Variants in EHF observed in about 807,000 individuals in gnomAD.
EHF encodes the protein ETS homologous factor, also known as ESE3 transcription factor.
Under a neutral mutation model 45.1 loss-of-function variants are expected in EHF, and 14 were observed. The observed-to-expected ratio is 0.31, with a 90% CI of 0.21 to 0.49. EHF has a LOEUF of 0.49. Ranked by LOEUF, EHF falls within the 20% of genes least tolerant of loss-of-function variation. The pLI, the probability that EHF is intolerant of heterozygous loss-of-function variation, is 0.99. For synonymous variants in EHF, 136 were observed against 131.8 expected, an observed-to-expected ratio of 1.03 and a Z score of -0.22; for missense variants, 282 against 371.4, an observed-to-expected ratio of 0.76 and a Z score of 1.98.
chr11:34,626,005 T>G (rs901554537), intron 1 of EHF, among the ~76,000 whole-genome samples: 8 of 152,218 alleles, frequency 5.3e-5, no homozygotes, highest in African/African-American at 1.9e-4. Context: ...GAAACCAAAA[T>G]GCCTATTATA....
intron 1 of EHF, among the ~76,000 whole-genome samples, chr11:34,635,379 C>A (rs1467472831): frequency 6.6e-6 from 1 of 151,666 alleles, no homozygotes; most frequent in African/African-American, 2.4e-5. Flanking sequence ...TTCCAGTTCC[C>A]TGCCAGTGGC....
intron 1 of EHF, among the ~76,000 whole-genome samples, chr11:34,638,027 G>C (rs1007711622): frequency 8.6e-5 from 13 of 151,558 alleles, no homozygotes; most frequent in African/African-American, 3.2e-4. Flanking sequence ...TCAACCTCCC[G>C]AGTAGCTGGG....
chr11:34,631,327 C>A (rs916260806), intron 1 of EHF, among the ~76,000 whole-genome samples: 1 of 152,184 alleles, frequency 6.6e-6, no homozygotes, highest in Non-Finnish European at 1.5e-5. Flanking sequence ...CCACTGCGCC[C>A]GGCCAAAAAG....
chr11:34,642,625 C>CAGATCATG lies in EHF; in HGVS notation c.-3-1_4dup. The CAGATCATG allele has an allele frequency of 1.9e-6, 3 of 1,607,330 alleles. No homozygotes were observed. The East Asian group carries it at 6.7e-5, about 36-fold the overall frequency. On this transcript the variant is annotated splice_polypyrimidine_tract_variant and splice_region_variant and intron_variant, in intron 1 of 8. Transcript: ENST00000257831. ...CTGAACAGGCTGTTTGATCCCCTAA[C>CAGATCATG]AGATCATGATTCTGGAAGGAGGTGG... is the stretch of plus-strand genomic sequence containing the variant.
At chr11:34,646,295 T>A in intron 2 of EHF, 144 bp from the exon 3 acceptor site, 1 of 1,341,176 alleles carries the variant, frequency 7.5e-7, no homozygotes, top group Non-Finnish European at 1.0e-6. Flanking sequence ...GAAAATGCAC[T>A]TCTGCTCCAT....
At chr11:34,639,071 C>G (rs12366193) in intron 1 of EHF, among the ~76,000 whole-genome samples, 1 of 151,926 alleles carries the variant, frequency 6.6e-6, no homozygotes, top group Non-Finnish European at 1.5e-5. Flanking sequence ...AACAAATACT[C>G]CCCCGCAACC....
chr11:34,640,280 GC>G lies in EHF; in HGVS notation c.-3-2347del, dbSNP rs555047361. 7.8e-3 allele frequency among the ~76,000 whole-genome samples: 1,195 copies of G among 152,268 alleles called. 4 individuals carry two copies. Among genetic ancestry groups the G allele is most frequent in the Non-Finnish European group, 0.013 (889 of 68,018 alleles). ...CACCCTGCTTTCTGCTTGTCAGGAA[GC>G]ATAGCTGGCCCAGGCAGGTGCTGCC... is the stretch of plus-strand genomic sequence containing the variant. On this transcript the variant is annotated intron_variant, in intron 1 of 8. Coordinates refer to ENST00000257831, the MANE Select transcript of EHF (RefSeq NM_012153.6).
At chr11:34,640,551 C>T (rs187392809) in intron 1 of EHF, among the ~76,000 whole-genome samples, 2 of 152,338 alleles carry the variant, frequency 1.3e-5, no homozygotes, top group East Asian at 1.9e-4. Flanking sequence ...GGGCCCCCCT[C>T]CTTCCACCAG....
At chr11:34,621,295 T>G (rs1441605043) in intron 1 of EHF, 67 bp downstream of exon 1, 2 of 152,208 alleles carry the variant, frequency 1.3e-5, no homozygotes, top group African/African-American at 4.8e-5. Context: ...AAGAGAAGCC[T>G]GCTTTAAACT....
At chr11:34,643,431 G>A (rs887495764) in intron 2 of EHF, among the ~76,000 whole-genome samples, 1 of 152,172 alleles carries the variant, frequency 6.6e-6, no homozygotes, top group African/African-American at 2.4e-5. Flanking sequence ...GCATCCAACA[G>A]CAGTGAGTTT....
intron 2 of EHF, among the ~76,000 whole-genome samples, chr11:34,645,220 T>A (rs557290273): frequency 6.6e-6 from 1 of 152,218 alleles, no homozygotes; most frequent in African/African-American, 2.4e-5. Flanking sequence ...CTATGGAATG[T>A]TTTTTTAAGT....
intron 6 of EHF, among the ~76,000 whole-genome samples, chr11:34,653,786 G>A (rs1182857601): frequency 6.6e-6 from 1 of 152,176 alleles, no homozygotes; most frequent in Non-Finnish European, 1.5e-5. Flanking sequence ...TATTTTTCGA[G>A]CTCCCATGTA....
intron 1 of EHF, among the ~76,000 whole-genome samples, chr11:34,634,276 G>A (rs915039705): frequency 6.6e-6 from 1 of 152,144 alleles, no homozygotes; most frequent in Non-Finnish European, 1.5e-5. Context: ...AACATCCTTA[G>A]GGCAAATGCT....
chr11:34,636,630 G>A (rs1421542620), intron 1 of EHF, among the ~76,000 whole-genome samples: 2 of 152,204 alleles, frequency 1.3e-5, no homozygotes, highest in Admixed American at 1.3e-4. Context: ...TGGTAGAGAG[G>A]ATAGAAATTC....
intron 1 of EHF, among the ~76,000 whole-genome samples, chr11:34,641,664 G>A (rs2134096851): frequency 6.6e-6 from 1 of 152,300 alleles, no homozygotes; most frequent in African/African-American, 2.4e-5. Context: ...ATAGCGATCT[G>A]GAAACAGGCT....
chr11:34,641,266 G>T (rs1853968882), intron 1 of EHF, among the ~76,000 whole-genome samples: 1 of 152,166 alleles, frequency 6.6e-6, no homozygotes, highest in South Asian at 2.1e-4. Context: ...ATACATGTTT[G>T]TGTGTAGCCT....
intron 1 of EHF, among the ~76,000 whole-genome samples, chr11:34,641,335 T>C (rs1411605138): frequency 1.3e-5 from 2 of 152,220 alleles, no homozygotes; most frequent in Admixed American, 6.5e-5. Context: ...CAGCCCATTA[T>C]TGGGCTGATA....
chr11:34,629,860 T>G (rs201148313), intron 1 of EHF, among the ~76,000 whole-genome samples: 1 of 27,444 alleles, frequency 3.6e-5, no homozygotes, highest in Non-Finnish European at 1.1e-4. Flanking sequence ...TTTCCCAAGG[T>G]TTTTTTTTTC....
chr11:34,657,076 T>G (rs1319806955), intron 7 of EHF, 106 bp downstream of exon 7: 1 of 1,330,768 alleles, frequency 7.5e-7, no homozygotes, highest in African/African-American at 1.5e-5. Flanking sequence ...GCTGCCTTCA[T>G]GTCTTCATCC....
Sources: allele counts gnomAD v4.1 joint callset (sites outside exome capture counted in the v4.1 genomes callset), GRCh38; gene constraint gnomAD v4.1.1; transcripts MANE v1.5; gene names NCBI Gene and HGNC (gene_info 2026-07-23, HGNC 2026-07-21).